The following WDR64 variants were observed in gnomAD, a reference collection of about 807,000 sequenced individuals.
WDR64 encodes WD repeat-containing protein 64.
In WDR64, 112 loss-of-function variants were observed where a neutral mutation model predicts 139.3. The observed-to-expected ratio is 0.80, with a 90% confidence interval of 0.69 to 0.94. WDR64 has a LOEUF of 0.94. Among genes scored for constraint, WDR64 ranks in the 40% least tolerant of loss-of-function variants. The pLI, the probability that WDR64 is intolerant of heterozygous loss-of-function variation, is 0.00. For missense variants in WDR64, 1,206 were observed against 1,293.1 expected (o/e 0.93, Z 1.03); for synonymous variants, 444 against 437.7 (o/e 1.01, Z -0.18).
At chr1:241,671,969 G>T (rs938440259) in intron 3 of WDR64, among the ~76,000 whole-genome samples, 11 of 152,172 alleles carry the variant, frequency 7.2e-5, no homozygotes, top group African/African-American at 1.4e-4. Flanking sequence ...GAGGTCAGGA[G>T]TTCGAGACCA....
In WDR64 at chr1:241,660,557, C is replaced by CATCG; in HGVS notation, c.174_177dup (p.Val60IlefsTer34). ...GCAATTGGTTATGACAAGTTTTATG[C>CATCG]ATCGGTACAGAAGCTCTTTGGTCCA... On this transcript the variant is annotated frameshift_variant, in exon 2 of 28. Transcript: ENST00000437684. LOFTEE classifies it high-confidence loss of function. 15 of 1,551,712 alleles carry CATCG rather than the reference C, an allele frequency of 9.7e-6. No individual in the cohort carries two copies. Among genetic ancestry groups the CATCG allele is most frequent in the Non-Finnish European group, 1.3e-5 (15 of 1,146,844 alleles).
At chr1:241,766,074 C>T in intron 15 of WDR64, 144 bp from the exon 16 acceptor site, 3 of 747,856 alleles carry the variant, frequency 4.0e-6, no homozygotes, top group Non-Finnish European at 5.7e-6. Context: ...TAAGATTTTA[C>T]TAAATTTCAT....
At chr1:241,747,027 C>G (rs1450533217) in intron 13 of WDR64, among the ~76,000 whole-genome samples, 1 of 152,162 alleles carries the variant, frequency 6.6e-6, no homozygotes, top group African/African-American at 2.4e-5. Context: ...TCCCAAAGTG[C>G]TGGGATTACA....
At chr1:241,762,465 G>T (rs1228742380) in intron 15 of WDR64, among the ~76,000 whole-genome samples, 3 of 152,124 alleles carry the variant, frequency 2.0e-5, no homozygotes, top group African/African-American at 7.2e-5. Context: ...TATGTTTGAG[G>T]CTGAAGAATA....
intron 2 of WDR64, among the ~76,000 whole-genome samples, chr1:241,667,673 A>G (rs1357026825): frequency 6.6e-6 from 1 of 152,178 alleles, no homozygotes; most frequent in Admixed American, 6.5e-5. Flanking sequence ...TAAGGGCAGT[A>G]CAAGCTGACA....
chr1:241,679,771 T>A (rs1360849728), intron 6 of WDR64, among the ~76,000 whole-genome samples, 176 bp downstream of exon 6: 1 of 152,212 alleles, frequency 6.6e-6, no homozygotes, highest in Non-Finnish European at 1.5e-5. Flanking sequence ...TAAAAGGGAC[T>A]ATTCTTTTCA....
At chr1:241,684,618 G>A (rs1476026291) in intron 7 of WDR64, among the ~76,000 whole-genome samples, 1 of 152,188 alleles carries the variant, frequency 6.6e-6, no homozygotes, top group African/African-American at 2.4e-5. Flanking sequence ...ATTAGTTGGT[G>A]GTAAAAGTAT....
At chr1:241,732,332 C>T (rs949654965) in intron 10 of WDR64, among the ~76,000 whole-genome samples, 1 of 152,004 alleles carries the variant, frequency 6.6e-6, no homozygotes, top group Admixed American at 6.6e-5. Flanking sequence ...TATTTGTCAT[C>T]TATCTACTCT....
At chr1:241,771,230 G>A (rs890506895) in intron 18 of WDR64, among the ~76,000 whole-genome samples, 1 of 152,194 alleles carries the variant, frequency 6.6e-6, no homozygotes, top group Non-Finnish European at 1.5e-5. Flanking sequence ...AACTTACATG[G>A]AAGCAAAAGC....
rs1659102388 is a variant in WDR64 at position 241,787,960 on chromosome 1, C to T, written c.2817C>T (p.Pro939=). The change falls in exon 24 of 28, where the codon CCC becomes CCT. Residue 939 remains proline (P), a synonymous_variant. Coordinates refer to ENST00000437684, the MANE Select transcript of WDR64 (RefSeq NM_001367482.1). ...TGCCTTGTGATGTTACTGAATATCCCATAGAAATAAAAGAAGAAAGCAAGT... is the reference window on the plus strand; with the variant it reads ...TGCCTTGTGATGTTACTGAATATCCTATAGAAATAAAAGAAGAAAGCAAGT... ...FILPCDVTEY[P]IEIKEESKFT... 1 of 1,607,598 alleles carries T rather than the reference C, an allele frequency of 6.2e-7. No homozygotes were observed. The highest frequency in any genetic ancestry group is 1.3e-5 in the African/African-American group (1 of 74,388).
chr1:241,717,343 A>G (rs956724945), intron 9 of WDR64, among the ~76,000 whole-genome samples: 1 of 152,130 alleles, frequency 6.6e-6, no homozygotes, highest in Admixed American at 6.5e-5. Flanking sequence ...GAGACCCCAG[A>G]CAAGTCGCAC....
At position 241,675,247 on chromosome 1, in the gene WDR64, C is replaced by CCTTCCTCCCTCCCTT. The variant is rs1321035136; in HGVS notation, c.483+506_483+507insCCCTCCCTTCTTCCT. Among the ~76,000 whole-genome samples the CCTTCCTCCCTCCCTT allele has an allele frequency of 1.5e-3, 176 of 117,040 alleles. 10 individuals are homozygous for CCTTCCTCCCTCCCTT. Among genetic ancestry groups the CCTTCCTCCCTCCCTT allele is most frequent in the Non-Finnish European group, 2.1e-3 (122 of 57,190 alleles). The allele number at this position is 117,040 out of a possible 152,430, so 76.8% of individuals were successfully genotyped here. A position where few individuals can be genotyped will look rare whatever the true frequency, so the allele number is the denominator to read the frequency against. On this transcript the variant is annotated intron_variant, in intron 4 of 27. Coordinates refer to ENST00000437684, the MANE Select transcript of WDR64 (RefSeq NM_001367482.1). Reference sequence around the variant, plus strand: ...CTTCCTTCCTCCCTCCTTCCTCCCTCCTTCCTTCCTCCCTCCCTTCCTCCC... The same window carrying CCTTCCTCCCTCCCTT: ...CTTCCTTCCTCCCTCCTTCCTCCCTCCTTCCTCCCTCCCTTCTTCCTTCCTCCCTCCCTTCCTCCC...
intron 10 of WDR64, among the ~76,000 whole-genome samples, chr1:241,730,546 C>G (rs906328982): frequency 1.3e-5 from 2 of 152,166 alleles, no homozygotes; most frequent in Admixed American, 6.6e-5. Flanking sequence ...TTCACTACAG[C>G]CTCCCTAAGG....
chr1:241,668,010 T>C (rs1666084086), intron 2 of WDR64, among the ~76,000 whole-genome samples: 1 of 152,104 alleles, frequency 6.6e-6, no homozygotes, highest in African/African-American at 2.4e-5. Flanking sequence ...TCAACAGCAA[T>C]GTAAGGAGGT....
rs1487489193 is a variant in WDR64 at position 241,771,032 on chromosome 1, CTT to C, written c.2253+345_2253+346del. 2.0e-5 allele frequency among the ~76,000 whole-genome samples: 3 copies of C among 152,254 alleles called. No homozygotes were observed. In the East Asian group the frequency reaches 5.8e-4, roughly 29 times the overall value. ...TCTCTTTTGCTAAAATGTAAGTACTCTTTTGCTAAAAAGTACATATGTCACAG... is the reference window on the plus strand; with the variant it reads ...TCTCTTTTGCTAAAATGTAAGTACTCTTGCTAAAAAGTACATATGTCACAG... On this transcript the variant is annotated intron_variant, in intron 18 of 27. Coordinates refer to ENST00000437684, the MANE Select transcript of WDR64 (RefSeq NM_001367482.1).
Position 241,759,680 on chromosome 1 carries a change from T to C in WDR64, c.1947+2221T>C, listed in dbSNP as rs368985741. Among the ~76,000 whole-genome samples the C allele has an allele frequency of 1.7e-4, 26 of 152,146 alleles. No homozygotes were observed. The East Asian group carries it at 3.9e-3, about 23-fold the overall frequency. ...TCTGGAGACCATTATAAGCAGTATA[T>C]AGAGATCTTCACCTTTCTTTTTTTT... On this transcript the variant is annotated intron_variant, in intron 15 of 27. Coordinates refer to ENST00000437684, the MANE Select transcript of WDR64 (RefSeq NM_001367482.1).
intron 9 of WDR64, among the ~76,000 whole-genome samples, chr1:241,720,934 C>T (rs928687876): frequency 2.6e-5 from 4 of 152,112 alleles, no homozygotes; most frequent in Non-Finnish European, 5.9e-5. Context: ...TTGGGGTTTA[C>T]ATTCAAGTCT....
At chr1:241,699,825 G>T (rs1667641069) in intron 8 of WDR64, among the ~76,000 whole-genome samples, 1 of 152,128 alleles carries the variant, frequency 6.6e-6, no homozygotes, top group Non-Finnish European at 1.5e-5. Flanking sequence ...GATGAGGCTA[G>T]ACAATCCAAG....
chr1:241,675,490 C>T (rs1307071080), intron 4 of WDR64, among the ~76,000 whole-genome samples: 1 of 152,074 alleles, frequency 6.6e-6, no homozygotes, highest in Non-Finnish European at 1.5e-5. Flanking sequence ...TGGCATTGTT[C>T]CTCAGGGTGT....
Sources: gnomAD v4.1 joint callset for allele counts (sites outside exome capture counted in the v4.1 genomes callset) on GRCh38, gnomAD v4.1.1 for gene constraint, MANE v1.5 for transcripts, NCBI Gene and HGNC (gene_info 2026-07-23, HGNC 2026-07-21) for gene names.